PCDHA8: variants seen among roughly 807,000 people sequenced by gnomAD.
PCDHA8 encodes the protein protocadherin alpha-8.
A neutral mutation model predicts 61.8 loss-of-function variants in PCDHA8; 53 were observed. The ratio of observed to expected loss-of-function variants is 0.86; its 90% CI spans 0.69 to 1.08. The LOEUF (loss-of-function observed/expected upper bound fraction) is 1.08, where lower values mean the gene tolerates loss of function less well. Ranked by LOEUF, PCDHA8 falls within the 50% of genes least tolerant of loss-of-function variation. The probability of loss-of-function intolerance (pLI) is 0.00; values close to 1 mark genes in which losing one functional copy is unlikely to be tolerated. For synonymous variants in PCDHA8, 618 were observed against 556.6 expected, an observed-to-expected ratio of 1.11 and a Z score of -1.55; for missense variants, 1,293 against 1,245.0, an observed-to-expected ratio of 1.04 and a Z score of -0.58.
intron 1 of PCDHA8, chr5:140,883,872 T>A (rs1554180376): frequency 1.2e-6 from 2 of 1,612,996 alleles, no homozygotes; most frequent in African/African-American, 1.3e-5. Flanking sequence ...CAGTTCCAGG[T>A]GAGCGCGCGC....
chr5:140,869,014 T>C (rs929309556), intron 1 of PCDHA8: 5 of 1,524,414 alleles, frequency 3.3e-6, no homozygotes, highest in Admixed American at 2.2e-5. Flanking sequence ...TGAAACTTCT[T>C]AAGAATTCAA....
rs139533789 is a variant in PCDHA8, at chr5:140,857,716, C to T, written c.2394+14001C>T. On this transcript the variant is annotated intron_variant, in intron 1 of 3. Coordinates refer to ENST00000531613, the MANE Select transcript of PCDHA8 (RefSeq NM_018911.3). Reference sequence around the variant, plus strand: ...TGACGCTGCAGGTGTTCGTGCTGGACGAGAACGACAACGCTCCCGCGCTGC... The same window carrying T: ...TGACGCTGCAGGTGTTCGTGCTGGATGAGAACGACAACGCTCCCGCGCTGC... 4,225 of 1,597,384 alleles carry T rather than the reference C, an allele frequency of 2.6e-3. 332 individuals are homozygous for T. The highest frequency in any genetic ancestry group is 8.2e-3 in the Middle Eastern group (46 of 5,608).
chr5:140,883,724 G>T (rs1174982763), intron 1 of PCDHA8: 2 of 1,613,492 alleles, frequency 1.2e-6, no homozygotes, highest in Non-Finnish European at 1.7e-6. Context: ...GGACGCACAG[G>T]AGAACGCGCT....
chr5:140,879,816 G>C (rs1232945342), intron 1 of PCDHA8, among the ~76,000 whole-genome samples: 9 of 152,196 alleles, frequency 5.9e-5, no homozygotes, highest in African/African-American at 2.2e-4. Flanking sequence ...TTGGCTGTTG[G>C]TGTTCCCTGG....
intron 1 of PCDHA8, among the ~76,000 whole-genome samples, chr5:140,899,116 T>C (rs563698448): frequency 6.6e-6 from 1 of 152,246 alleles, no homozygotes; most frequent in South Asian, 2.1e-4. Flanking sequence ...TTTCTAGATA[T>C]ACAATCATGT....
At chr5:140,881,376 C>G in intron 1 of PCDHA8, 5 of 984,754 alleles carry the variant, frequency 5.1e-6, no homozygotes, top group Non-Finnish European at 6.0e-6. Context: ...GAATTGCAGC[C>G]GGCGGCGGTA....
intron 1 of PCDHA8, chr5:140,882,195 T>C: frequency 1.3e-6 from 2 of 1,521,122 alleles, no homozygotes; most frequent in Non-Finnish European, 8.8e-7. Flanking sequence ...GCCATAAAAA[T>C]TGGGCCTTGA....
intron 1 of PCDHA8, among the ~76,000 whole-genome samples, chr5:140,978,464 C>T (rs1281042342): frequency 5.3e-5 from 8 of 152,226 alleles, no homozygotes; most frequent in Non-Finnish European, 2.9e-5. Flanking sequence ...CGCCCTGGGT[C>T]AAATATGCTG....
intron 3 of PCDHA8, among the ~76,000 whole-genome samples, chr5:141,000,361 G>GTCTCTC (rs148596731): frequency 3.0e-3 from 79 of 26,442 alleles, no homozygotes; most frequent in East Asian, 6.3e-3. Flanking sequence ...GTCTCTCTCT[G>GTCTCTC]TCTCTCTCTC....
At chr5:140,967,046 C>T in intron 1 of PCDHA8, 1 of 1,612,334 alleles carries the variant, frequency 6.2e-7, no homozygotes, top group African/African-American at 1.3e-5. Context: ...GGAGCTGGAC[C>T]TGACGAGTGG....
intron 1 of PCDHA8, chr5:140,858,353 G>A (rs782457995): frequency 6.3e-7 from 1 of 1,593,918 alleles, no homozygotes; most frequent in Non-Finnish European, 8.6e-7. Context: ...GGACCTCATG[G>A]CCTTCAGCCC....
At chr5:140,877,239 C>G (rs2056959197) in intron 1 of PCDHA8, 1 of 1,613,668 alleles carries the variant, frequency 6.2e-7, no homozygotes, top group Non-Finnish European at 8.5e-7. Context: ...GTGCGGGCCA[C>G]GTGGTGGCGA....
chr5:140,858,362 C>A, intron 1 of PCDHA8: 1 of 1,591,614 alleles, frequency 6.3e-7, no homozygotes, highest in Non-Finnish European at 8.6e-7. Flanking sequence ...GGCCTTCAGC[C>A]CCAGCCTTCC....
Position 140,877,146 on chromosome 5 carries a change from G to A in PCDHA8, c.2394+33431G>A, listed in dbSNP as rs781819140. The A allele has an allele frequency of 1.9e-6, 3 of 1,613,818 alleles. No individual in the cohort carries two copies. In the East Asian group the frequency reaches 6.7e-5, roughly 36 times the overall value. On this transcript the variant is annotated intron_variant, in intron 1 of 3. Coordinates refer to ENST00000531613, the MANE Select transcript of PCDHA8 (RefSeq NM_018911.3). ...CGCTGCAGGTGTTCGTGCTGGACGA[G>A]AACGACAACGCGCCGGCACTGCTGG...
chr5:140,939,758 T>G (rs2092452335), intron 1 of PCDHA8, among the ~76,000 whole-genome samples: 1 of 152,234 alleles, frequency 6.6e-6, no homozygotes, highest in Non-Finnish European at 1.5e-5. Context: ...TGTCATTATA[T>G]AGTATTTCAG....
rs183412283 is a variant in PCDHA8 at position 140,968,329 on chromosome 5, T to C, written c.2395-10620T>C. On this transcript the variant is annotated intron_variant, in intron 1 of 3. Transcript: ENST00000531613. ...TTCAAGGGCTGCCAGTCACCTCCTA[T>C]GTCTCCATTAACAGTGCCAGTGGCA... is the stretch of plus-strand genomic sequence containing the variant. 7.7e-5 allele frequency: 125 copies of C among 1,614,150 alleles called. 1 individual carries two copies. In the East Asian group the frequency reaches 2.7e-3, roughly 34 times the overall value.
chr5:140,900,227 G>C (rs1425549345), intron 1 of PCDHA8, among the ~76,000 whole-genome samples: 1 of 152,038 alleles, frequency 6.6e-6, no homozygotes, highest in Admixed American at 6.6e-5. Flanking sequence ...CAAATGACTG[G>C]ATCTTGTTTT....
chr5:140,851,850 C>T (rs2042178583), intron 1 of PCDHA8: 1 of 971,904 alleles, frequency 1.0e-6, no homozygotes, highest in South Asian at 4.8e-5. Context: ...TTTTTCTCCT[C>T]TCAGCTCATA....
intron 1 of PCDHA8, among the ~76,000 whole-genome samples, chr5:140,957,407 ATTG>A (rs2095357259): frequency 6.6e-6 from 1 of 152,156 alleles, no homozygotes; most frequent in Non-Finnish European, 1.5e-5. Context: ...ATTTATTATT[ATTG>A]TTGTTAATCT....
Sources: allele counts gnomAD v4.1 joint callset (sites outside exome capture counted in the v4.1 genomes callset), GRCh38; gene constraint gnomAD v4.1.1; transcripts MANE v1.5; gene names NCBI Gene and HGNC (gene_info 2026-07-23, HGNC 2026-07-21).